Variants in SBF2 observed in about 807,000 individuals in gnomAD.
SBF2 encodes myotubularin-related protein 13.
In SBF2, 112 loss-of-function variants were observed where a neutral mutation model predicts 225.2. The ratio of observed to expected loss-of-function variants is 0.50; its 90% confidence interval spans 0.43 to 0.58. SBF2 has a LOEUF of 0.58. SBF2 is among the 20% of genes least tolerant of loss of function. The probability of loss-of-function intolerance (pLI) is 0.00; values close to 1 mark genes in which losing one functional copy is unlikely to be tolerated. For missense variants in SBF2, 1,996 were observed against 2,206.2 expected (o/e 0.90, Z 1.91); for synonymous variants, 763 against 773.3 (o/e 0.99, Z 0.22).
chr11:9,903,917 C>T (rs970351564), intron 16 of SBF2, among the ~76,000 whole-genome samples: 3 of 152,128 alleles, frequency 2.0e-5, no homozygotes, highest in African/African-American at 7.2e-5. Flanking sequence ...TCCCTGGTGC[C>T]TGCATTCAAT....
chr11:9,784,846 G>A (rs1437086558), intron 37 of SBF2: 7 of 529,922 alleles, frequency 1.3e-5, no homozygotes, highest in Non-Finnish European at 2.4e-5. Flanking sequence ...ACAAAGTGCT[G>A]GCTGACACAT....
At chr11:9,891,221 A>G (rs1334807948) in intron 17 of SBF2, among the ~76,000 whole-genome samples, 3 of 151,658 alleles carry the variant, frequency 2.0e-5, no homozygotes, top group Non-Finnish European at 4.4e-5. Flanking sequence ...GGGAAGGAAT[A>G]ATACAAAAGT....
intron 17 of SBF2, among the ~76,000 whole-genome samples, chr11:9,882,847 C>G (rs1238551819): frequency 6.7e-6 from 1 of 148,196 alleles, no homozygotes; most frequent in Non-Finnish European, 1.5e-5. Flanking sequence ...ATTATCTTCT[C>G]TTGCACTAAT....
chr11:10,233,098 A>C (rs1958922400), intron 1 of SBF2, among the ~76,000 whole-genome samples: 1 of 152,358 alleles, frequency 6.6e-6, no homozygotes, highest in Non-Finnish European at 1.5e-5. Context: ...GAAGCTAATT[A>C]GCCACATACG....
chr11:10,258,297 AG>A (rs1269906185), intron 1 of SBF2, among the ~76,000 whole-genome samples: 1 of 152,104 alleles, frequency 6.6e-6, no homozygotes, highest in Non-Finnish European at 1.5e-5. Context: ...TTTTAAAGGT[AG>A]GGTCTCTCTA....
chr11:10,139,616 T>C (rs1335245495), intron 2 of SBF2, among the ~76,000 whole-genome samples: 1 of 152,234 alleles, frequency 6.6e-6, no homozygotes, highest in Non-Finnish European at 1.5e-5. Flanking sequence ...TTACATTTTC[T>C]ATCACATGGG....
Position 9,797,220 on chromosome 11 carries a change from T to C in SBF2, c.4444-1263A>G, listed in dbSNP as rs7109683. Among the ~76,000 whole-genome samples, 1,067 of 152,354 alleles carry C rather than the reference T, an allele frequency of 7.0e-3. 12 individuals carry two copies. The highest frequency in any genetic ancestry group is 0.024 in the African/African-American group (1,015 of 41,594). On this transcript the variant is annotated intron_variant, in intron 32 of 39. Transcript: ENST00000256190. ...GCAGGCATGTGTGTGATAATGTTGA[T>C]TGTCCAGTGGACCAATGGGAATTTA... is the stretch of plus-strand genomic sequence containing the variant.
At chr11:10,151,985 T>C (rs1955221438) in intron 2 of SBF2, among the ~76,000 whole-genome samples, 1 of 152,228 alleles carries the variant, frequency 6.6e-6, no homozygotes, top group African/African-American at 2.4e-5. Flanking sequence ...TGATTCATTA[T>C]TTTCTGTAGC....
In SBF2 at chr11:10,021,650, A is replaced by C. The variant is rs1948861752; in HGVS notation, c.619+6802T>G. 2.0e-5 allele frequency among the ~76,000 whole-genome samples: 3 copies of C among 152,212 alleles called. No individual in the cohort carries two copies. The South Asian group carries it at 6.2e-4, about 32-fold the overall frequency. On this transcript the variant is annotated intron_variant, in intron 6 of 39. Transcript: ENST00000256190. ...TAGAGAGAAGAACAAAGGAAATGCT[A>C]TCATTACATTTAGACCTTTCACAGG...
chr11:9,939,703 T>C (rs928055729), intron 16 of SBF2, among the ~76,000 whole-genome samples: 8 of 152,156 alleles, frequency 5.3e-5, no homozygotes, highest in African/African-American at 1.9e-4. Flanking sequence ...GGTGGAGATA[T>C]GAAACATAGC....
At chr11:10,130,517 T>G (rs550074971) in intron 2 of SBF2, among the ~76,000 whole-genome samples, 3 of 152,264 alleles carry the variant, frequency 2.0e-5, no homozygotes, top group Admixed American at 2.0e-4. Context: ...CCCCCCATGG[T>G]TATTTCTTAT....
Position 10,009,836 on chromosome 11 carries a change from C to T in SBF2, c.620-7147G>A, listed in dbSNP as rs376511174. On this transcript the variant is annotated intron_variant, in intron 6 of 39. Transcript: ENST00000256190. Reference sequence around the variant, plus strand: ...AGATACTGGAGGATCATCACACTGTCTTCCACAATGGTTGAACTAATTTAC... The same window carrying T: ...AGATACTGGAGGATCATCACACTGTTTTCCACAATGGTTGAACTAATTTAC... Among the ~76,000 whole-genome samples, 10 of 152,160 alleles carry T rather than the reference C, an allele frequency of 6.6e-5. No individual in the cohort carries two copies. In the South Asian group the frequency reaches 2.1e-3, roughly 32 times the overall value.
In SBF2 at chr11:10,146,012, AACCAGG is replaced by A. The variant is rs1178731486; in HGVS notation, c.141+47884_141+47889del. ...GAAAGAGATACCTAGGAATACAGCTAACCAGGAAGGTGAAAGAGGTCTACAATGAGA... is the reference window on the plus strand; with the variant it reads ...GAAAGAGATACCTAGGAATACAGCTAAAGGTGAAAGAGGTCTACAATGAGA... On this transcript the variant is annotated intron_variant, in intron 2 of 39. Transcript: ENST00000256190. Among the ~76,000 whole-genome samples, 9 of 152,330 alleles carry A rather than the reference AACCAGG, an allele frequency of 5.9e-5. No homozygotes were observed. The East Asian group carries it at 1.4e-3, about 23-fold the overall frequency.
chr11:9,958,753 G>A, intron 16 of SBF2: 1 of 448,996 alleles, frequency 2.2e-6, no homozygotes, highest in South Asian at 2.0e-5. Context: ...TTTTTGTACT[G>A]GAAGGGCTCA....
intron 2 of SBF2, among the ~76,000 whole-genome samples, chr11:10,167,463 G>A (rs1397005364): frequency 6.6e-6 from 1 of 152,076 alleles, no homozygotes; most frequent in Non-Finnish European, 1.5e-5. Context: ...CAACAACTTG[G>A]AAGGCTGAGG....
chr11:9,977,438 G>A (rs1212497892), intron 13 of SBF2, among the ~76,000 whole-genome samples: 1 of 150,932 alleles, frequency 6.6e-6, no homozygotes, highest in Non-Finnish European at 1.5e-5. Context: ...AATGAGCTAT[G>A]ATCAAGCCAC....
intron 16 of SBF2, among the ~76,000 whole-genome samples, chr11:9,935,241 T>C (rs1413996433): frequency 6.6e-6 from 1 of 152,002 alleles, no homozygotes; most frequent in Non-Finnish European, 1.5e-5. Context: ...GGAATCCAAC[T>C]TACAAGGGAT....
Position 9,972,947 on chromosome 11 carries a change from C to T in SBF2, c.1396-4402G>A, listed in dbSNP as rs191915623. On this transcript the variant is annotated intron_variant, in intron 13 of 39. Transcript: ENST00000256190. ...CTGTAGTTATATAGATATTCTACAC[C>T]AAAATGCAGATTAGGGATTTTGTTA... Among the ~76,000 whole-genome samples, 4 of 152,232 alleles carry T rather than the reference C, an allele frequency of 2.6e-5. No homozygotes were observed. The East Asian group carries it at 7.7e-4, about 29-fold the overall frequency.
chr11:10,131,403 G>T (rs1045011807), intron 2 of SBF2, among the ~76,000 whole-genome samples: 1 of 151,662 alleles, frequency 6.6e-6, no homozygotes, highest in Non-Finnish European at 1.5e-5. Context: ...ATGAACTGTT[G>T]TTTACTGTTG....
Sources: gnomAD v4.1 joint callset for allele counts (sites outside exome capture counted in the v4.1 genomes callset) on GRCh38, gnomAD v4.1.1 for gene constraint, MANE v1.5 for transcripts, NCBI Gene and HGNC (gene_info 2026-07-23, HGNC 2026-07-21) for gene names.